The following ADAM29 variants were observed in gnomAD, a reference collection of about 807,000 sequenced individuals.
ADAM29 encodes ADAM metallopeptidase domain 29.
For missense variants in ADAM29, 969 were observed against 1,001.8 expected (o/e 0.97, Z 0.44); for synonymous variants, 367 against 342.3 (o/e 1.07, Z -0.80).
rs201376333 is a variant in ADAM29 at position 174,976,695 on chromosome 4, C to A, written c.1170C>A (p.His390Gln). ...ERTKCLLETV[H>Q]TKDIFNVKRC... ...CAAAGTGTTTGCTTGAAACAGTACA[C>A]ACAAAGGACATCTTTAATGTGAAGC... Residue 390 changes from histidine to glutamine, a missense_variant, in exon 5 of 5, where the codon CAC becomes CAA. By Grantham distance (24) the His-to-Gln change is conservative. Coordinates refer to ENST00000359240, the MANE Select transcript of ADAM29 (RefSeq NM_014269.4). The A allele has an allele frequency of 5.6e-6, 9 of 1,614,014 alleles. No homozygotes were observed. Among genetic ancestry groups the A allele is most frequent in the African/African-American group, 5.3e-5 (4 of 75,042 alleles).
intron 4 of ADAM29, among the ~76,000 whole-genome samples, chr4:174,955,626 G>A (rs1357015774): frequency 3.3e-5 from 5 of 150,638 alleles, no homozygotes; most frequent in African/African-American, 1.2e-4. Flanking sequence ...CTCAAAATTT[G>A]TTATGCATTG....
At chr4:174,971,836 T>C (rs1036207127) in intron 4 of ADAM29, among the ~76,000 whole-genome samples, 2 of 152,130 alleles carry the variant, frequency 1.3e-5, no homozygotes, top group African/African-American at 4.8e-5. Flanking sequence ...AATGCTTATA[T>C]TGGTGTCCTT....
chr4:174,974,773 A>G (rs911177485), intron 4 of ADAM29, among the ~76,000 whole-genome samples: 1 of 152,222 alleles, frequency 6.6e-6, no homozygotes, highest in Non-Finnish European at 1.5e-5. Context: ...TCCTGCTGAC[A>G]AGGCTAGTGA....
chr4:174,943,243 C>T (rs1396324520), intron 4 of ADAM29, among the ~76,000 whole-genome samples: 1 of 152,090 alleles, frequency 6.6e-6, no homozygotes, highest in African/African-American at 2.4e-5. Context: ...TTTTCTAAGC[C>T]CTCCAAACTC....
chr4:174,970,871 A>G (rs1746437114), intron 4 of ADAM29, among the ~76,000 whole-genome samples: 2 of 151,336 alleles, frequency 1.3e-5, no homozygotes, highest in African/African-American at 2.4e-5. Flanking sequence ...TTTTTTCTTT[A>G]TCTAGCTAAC....
chr4:174,973,801 C>T (rs1746599994), intron 4 of ADAM29, among the ~76,000 whole-genome samples: 1 of 152,190 alleles, frequency 6.6e-6, no homozygotes, highest in Non-Finnish European at 1.5e-5. Context: ...CATTGGGCCA[C>T]TTTGACGCCT....
intron 4 of ADAM29, among the ~76,000 whole-genome samples, chr4:174,946,032 T>C (rs571628273): frequency 1.3e-5 from 2 of 152,278 alleles, no homozygotes; most frequent in East Asian, 3.9e-4. Flanking sequence ...GTAAAGAATG[T>C]CATTGGTAGT....
rs181942324 is a variant in ADAM29 at position 174,922,753 on chromosome 4, A to G, written c.-451+1961A>G. Among the ~76,000 whole-genome samples the G allele has an allele frequency of 1.3e-4, 20 of 152,062 alleles. No individual in the cohort carries two copies. In the East Asian group the frequency reaches 3.9e-3, roughly 29 times the overall value. On this transcript the variant is annotated intron_variant, in intron 2 of 4. Coordinates refer to ENST00000359240, the MANE Select transcript of ADAM29 (RefSeq NM_014269.4). ...CTAAAAAATATTTATTCTGTTAGTTATTTTATCCCCCCACTATCACATTCT... is the reference window on the plus strand; with the variant it reads ...CTAAAAAATATTTATTCTGTTAGTTGTTTTATCCCCCCACTATCACATTCT...
rs990460725 is a variant in ADAM29 at position 174,923,539 on chromosome 4, A to G, written c.-451+2747A>G. ...GTGCATTATATGTATATATATATAT[A>G]TATATATATATATATATATATACAC... On this transcript the variant is annotated intron_variant, in intron 2 of 4. Coordinates refer to ENST00000359240, the MANE Select transcript of ADAM29 (RefSeq NM_014269.4). Among the ~76,000 whole-genome samples the G allele has an allele frequency of 4.4e-4, 61 of 139,138 alleles. 1 individual carries two copies. The highest frequency in any genetic ancestry group is 8.2e-4 in the East Asian group (4 of 4,880). The allele number at this position is 139,138 out of a possible 152,430, so 91.3% of individuals were successfully genotyped here.
rs779761690 is a variant in ADAM29 at position 174,931,135 on chromosome 4, T to C, written c.-301T>C. 3 of 152,186 alleles carry C rather than the reference T, an allele frequency of 2.0e-5. No individual in the cohort carries two copies. The highest frequency in any genetic ancestry group is 2.9e-5 in the Non-Finnish European group (2 of 68,052). 9.4% of individuals were successfully genotyped at this position (152,186 alleles called of 1,614,324 possible). ...TGATTGAGCCCCCATCCAGTCCTCT[T>C]TGCGTGGAATCAGACCTCTTTTGCA... On this transcript the variant is annotated 5_prime_UTR_variant, in exon 3 of 5. Coordinates refer to ENST00000359240, the MANE Select transcript of ADAM29 (RefSeq NM_014269.4).
chr4:174,952,665 A>T (rs1745254296), intron 4 of ADAM29, among the ~76,000 whole-genome samples: 1 of 152,146 alleles, frequency 6.6e-6, no homozygotes. Flanking sequence ...AAATGATGAG[A>T]ATATGTAAAC....
chr4:174,962,997 A>G lies in ADAM29; in HGVS notation c.-180-12349A>G, dbSNP rs544939008. 6.6e-5 allele frequency among the ~76,000 whole-genome samples: 10 copies of G among 152,296 alleles called. No individual in the cohort carries two copies. In the East Asian group the frequency reaches 1.9e-3, roughly 29 times the overall value. ...AAAAACTTTAGCATCTCAGAAAATA[A>G]GACAATTAGTGTTTTGTGCTTCCTG... On this transcript the variant is annotated intron_variant, in intron 4 of 4. Transcript: ENST00000359240.
intron 4 of ADAM29, among the ~76,000 whole-genome samples, chr4:174,966,808 T>G (rs1163323343): frequency 6.6e-6 from 1 of 152,174 alleles, no homozygotes; most frequent in African/African-American, 2.4e-5. Flanking sequence ...TTTGGGATAA[T>G]TCTTCCATTC....
At chr4:174,974,722 C>T (rs1207527617) in intron 4 of ADAM29, among the ~76,000 whole-genome samples, 1 of 152,170 alleles carries the variant, frequency 6.6e-6, no homozygotes, top group Non-Finnish European at 1.5e-5. Flanking sequence ...ATATGAGACA[C>T]TAATATTTGT....
At chr4:174,926,498 T>C (rs1378337500) in intron 2 of ADAM29, among the ~76,000 whole-genome samples, 19 of 152,104 alleles carry the variant, frequency 1.2e-4, no homozygotes, top group Admixed American at 1.2e-3. Context: ...ACTCAGAGTA[T>C]TGACACTCTA....
chr4:174,963,485 G>T (rs1745972811), intron 4 of ADAM29, among the ~76,000 whole-genome samples: 1 of 151,942 alleles, frequency 6.6e-6, no homozygotes, highest in Non-Finnish European at 1.5e-5. Context: ...TTGCTTTAAA[G>T]GCCTTAGCAA....
intron 4 of ADAM29, among the ~76,000 whole-genome samples, chr4:174,961,810 T>C (rs1438778263): frequency 1.3e-5 from 2 of 152,196 alleles, no homozygotes; most frequent in Non-Finnish European, 2.9e-5. Context: ...ATACAGCCTA[T>C]CCAGTCAGAG....
intron 3 of ADAM29, among the ~76,000 whole-genome samples, chr4:174,936,657 G>A (rs895123430): frequency 2.0e-5 from 3 of 151,670 alleles, no homozygotes; most frequent in South Asian, 2.1e-4. Flanking sequence ...CCTCCTAAAC[G>A]GTACTATTTT....
chr4:174,934,978 A>C (rs1479758891), intron 3 of ADAM29, among the ~76,000 whole-genome samples: 2 of 152,224 alleles, frequency 1.3e-5, no homozygotes, highest in East Asian at 3.8e-4. Flanking sequence ...GATAGAAAGA[A>C]AAATGGATAC....
Sources: allele counts gnomAD v4.1 joint callset (sites outside exome capture counted in the v4.1 genomes callset), GRCh38; gene constraint gnomAD v4.1.1; transcripts MANE v1.5; gene names NCBI Gene and HGNC (gene_info 2026-07-23, HGNC 2026-07-21).